The following DNASE1 variants were observed in gnomAD, a reference collection of about 807,000 sequenced individuals.
The protein encoded by DNASE1 is deoxyribonuclease 1, also known as deoxyribonuclease-1.
In DNASE1, 40 loss-of-function variants were observed where a neutral mutation model predicts 33.9. The observed-to-expected ratio is 1.18, with a 90% CI of 0.92 to 1.54. The LOEUF (loss-of-function observed/expected upper bound fraction) is 1.54, where lower values mean the gene tolerates loss of function less well. DNASE1 is among the 40% of genes most tolerant of loss of function. DNASE1 has a pLI of 0.00. For missense variants in DNASE1, 518 were observed against 372.6 expected, an observed-to-expected ratio of 1.39 and a Z score of -3.21; for synonymous variants, 216 against 160.0, an observed-to-expected ratio of 1.35 and a Z score of -2.64.
chr16:3,621,830 A>G (rs2041324799), intron 1 of DNASE1, among the ~76,000 whole-genome samples: 1 of 152,206 alleles, frequency 6.6e-6, no homozygotes, highest in South Asian at 2.1e-4. Context: ...ATTTGCACAT[A>G]TATTTGTAGG....
intron 1 of DNASE1, among the ~76,000 whole-genome samples, chr16:3,615,879 C>G (rs565913412): frequency 1.7e-4 from 26 of 152,280 alleles, no homozygotes; most frequent in African/African-American, 6.3e-4. Flanking sequence ...TTGAAGGGCC[C>G]TTATCCCAGG....
chr16:3,643,446 C>T (rs1475071475), intron 1 of DNASE1, among the ~76,000 whole-genome samples: 5 of 152,358 alleles, frequency 3.3e-5, no homozygotes, highest in South Asian at 2.1e-4. Flanking sequence ...CCTGCCTCGC[C>T]GGGACAAGCC....
upstream of DNASE1, chr16:3,651,375 C>G (rs1341725337): frequency 6.6e-6 from 1 of 152,214 alleles, no homozygotes; most frequent in Non-Finnish European, 1.5e-5. Flanking sequence ...ACACCTCATC[C>G]TGATCTGAGA....
intron 1 of DNASE1, among the ~76,000 whole-genome samples, chr16:3,648,980 A>C (rs923124614): frequency 5.3e-5 from 8 of 152,124 alleles, no homozygotes; most frequent in African/African-American, 1.9e-4. Flanking sequence ...TTTGCCATCT[A>C]CGATTTCCCA....
chr16:3,643,808 C>G (rs902311459), intron 1 of DNASE1, among the ~76,000 whole-genome samples: 7 of 152,152 alleles, frequency 4.6e-5, no homozygotes, highest in Non-Finnish European at 8.8e-5. Context: ...GTGGCCCAGG[C>G]TGGAGTGCAG....
intron 1 of DNASE1, among the ~76,000 whole-genome samples, chr16:3,644,140 A>G (rs1232316465): frequency 1.3e-5 from 2 of 152,224 alleles, no homozygotes; most frequent in Admixed American, 6.5e-5. Context: ...AGAAAAGCAC[A>G]ATAACTGAAA....
At position 3,654,714 on chromosome 16, in the gene DNASE1, C is replaced by T; in HGVS notation, c.-332C>T. The stretch of plus-strand genomic sequence containing the variant: ...GTGCAGTTTTTACAGCAGCAAGAAA[C>T]CTGTGCTTACAGAAAGAAACACGTG... On this transcript the variant is annotated 5_prime_UTR_variant, in exon 1 of 9. Transcript: ENST00000246949. The T allele has an allele frequency of 2.5e-6, 1 of 399,392 alleles. No homozygotes were observed. The highest frequency in any genetic ancestry group is 4.4e-6 in the Non-Finnish European group (1 of 226,738). 24.7% of individuals were successfully genotyped at this position (399,392 alleles called of 1,614,324 possible).
In DNASE1 at chr16:3,657,678, G is replaced by C. The variant is rs367603331; in HGVS notation, c.705-42G>C. ...CCTGCGGGTGCTGAGCCAGGCCCAT[G>C]TGTGAAAGGGGAACCTACTTTCTCT... On this transcript the variant is annotated intron_variant, in intron 7 of 8. Coordinates refer to ENST00000246949, the MANE Select transcript of DNASE1 (RefSeq NM_005223.4). The C allele has an allele frequency of 7.4e-6, 12 of 1,611,598 alleles. No individual in the cohort carries two copies. In the African/African-American group the frequency reaches 1.6e-4, roughly 22 times the overall value.
At chr16:3,619,414 T>C (rs1408518098) in intron 1 of DNASE1, among the ~76,000 whole-genome samples, 1 of 151,806 alleles carries the variant, frequency 6.6e-6, no homozygotes. Context: ...CAGGCCGAAG[T>C]GCAGTGGTGT....
exon 10 of DNASE1, chr16:3,664,278 G>C: frequency 6.3e-7 from 1 of 1,591,370 alleles, no homozygotes; most frequent in Non-Finnish European, 8.5e-7. Flanking sequence ...ACCCACCTCT[G>C]TGTCTTTCTT....
intron 1 of DNASE1, among the ~76,000 whole-genome samples, chr16:3,631,596 G>A (rs2041702907): frequency 6.6e-6 from 1 of 151,672 alleles, no homozygotes; most frequent in South Asian, 2.1e-4. Flanking sequence ...ATGATCTCAG[G>A]TCACTGCAAC....
intron 1 of DNASE1, among the ~76,000 whole-genome samples, chr16:3,636,479 A>G (rs954796022): frequency 1.3e-5 from 2 of 152,268 alleles, no homozygotes; most frequent in African/African-American, 4.8e-5. Flanking sequence ...TAATCGTAGT[A>G]TGCCTTGTAA....
At chr16:3,637,711 C>G (rs747716476) in intron 1 of DNASE1, among the ~76,000 whole-genome samples, 1 of 152,158 alleles carries the variant, frequency 6.6e-6, no homozygotes, top group Non-Finnish European at 1.5e-5. Context: ...CCCCCTCCCC[C>G]GCCAGAAGTA....
At chr16:3,624,408 G>A (rs928044831) in intron 1 of DNASE1, among the ~76,000 whole-genome samples, 7 of 152,160 alleles carry the variant, frequency 4.6e-5, no homozygotes, top group Non-Finnish European at 7.3e-5. Flanking sequence ...GGCCAGCTGC[G>A]TAAGGCACCT....
chr16:3,616,791 G>C (rs2041119240), intron 1 of DNASE1, among the ~76,000 whole-genome samples: 1 of 152,108 alleles, frequency 6.6e-6, no homozygotes, highest in Non-Finnish European at 1.5e-5. Context: ...ACCAGCATAA[G>C]GATAGACATA....
In DNASE1 at chr16:3,657,766, T is replaced by TCGGCTCTTCCCTTTAACTTCCAGGCTG. The variant is rs748238754; in HGVS notation, c.753_779dup (p.Ala252_Ala260dup). 136 of 1,613,980 alleles carry TCGGCTCTTCCCTTTAACTTCCAGGCTG rather than the reference T, an allele frequency of 8.4e-5. No homozygotes were observed. Among genetic ancestry groups the TCGGCTCTTCCCTTTAACTTCCAGGCTG allele is most frequent in the Non-Finnish European group, 7.4e-5 (87 of 1,180,040 alleles). On this transcript the variant is annotated inframe_insertion, in exon 8 of 9. Transcript: ENST00000246949. ...GCTCCGAGGCGCCGTTGTTCCCGACTCGGCTCTTCCCTTTAACTTCCAGGC... is the reference window on the plus strand; with the variant it reads ...GCTCCGAGGCGCCGTTGTTCCCGACTCGGCTCTTCCCTTTAACTTCCAGGCTGCGGCTCTTCCCTTTAACTTCCAGGC...
At chr16:3,612,593 G>C (rs1228505180) in intron 1 of DNASE1, among the ~76,000 whole-genome samples, 8 of 143,426 alleles carry the variant, frequency 5.6e-5, no homozygotes, top group Admixed American at 2.8e-4. Flanking sequence ...GGTGGGGGCG[G>C]GGGGGGGAGT....
At chr16:3,611,853 G>A (rs1321379233) in exon 1 of DNASE1, 1 of 152,474 alleles carries the variant, frequency 6.6e-6, no homozygotes, top group East Asian at 1.9e-4. Context: ...GTGAGATAAA[G>A]TCTGGTTCCT....
intron 1 of DNASE1, among the ~76,000 whole-genome samples, chr16:3,616,412 G>C (rs896962223): frequency 6.6e-6 from 1 of 152,186 alleles, no homozygotes; most frequent in Non-Finnish European, 1.5e-5. Context: ...CTTGAGGTCA[G>C]GAGTTCGAGA....
Sources: allele counts gnomAD v4.1 joint callset (sites outside exome capture counted in the v4.1 genomes callset), GRCh38; gene constraint gnomAD v4.1.1; transcripts MANE v1.5; gene names NCBI Gene and HGNC (gene_info 2026-07-23, HGNC 2026-07-21).